The following DYRK1A variants were observed in gnomAD, a reference collection of about 807,000 sequenced individuals.
DYRK1A encodes the protein dual specificity tyrosine phosphorylation regulated kinase 1A.
DYRK1A carries 9 observed loss-of-function variants against 79.7 expected under a neutral mutation model. The observed-to-expected ratio is 0.11, with a 90% CI of 0.07 to 0.20. The LOEUF (loss-of-function observed/expected upper bound fraction) is 0.20, where lower values mean the gene tolerates loss of function less well. DYRK1A is among the 10% of genes least tolerant of loss of function. DYRK1A has a pLI of 1.00. For missense variants in DYRK1A, 622 were observed against 956.0 expected, an observed-to-expected ratio of 0.65 and a Z score of 4.61; for synonymous variants, 349 against 329.7, an observed-to-expected ratio of 1.06 and a Z score of -0.63.
At position 37,454,085 on chromosome 21, in the gene DYRK1A, C is replaced by CTTTT. The variant is rs571859735; in HGVS notation, c.11-18577_11-18574dup. ...CTTTCATATTATGAGATGTAGTCTCCTTTTTTTTTTTTTTTTTTTTTTTTT... is the reference window on the plus strand; with the variant it reads ...CTTTCATATTATGAGATGTAGTCTCCTTTTTTTTTTTTTTTTTTTTTTTTTTTTT... On this transcript the variant is annotated intron_variant, in intron 2 of 11. Transcript: ENST00000647188. 7.2e-3 allele frequency among the ~76,000 whole-genome samples: 428 copies of CTTTT among 59,606 alleles called. 65 individuals are homozygous for CTTTT. The highest frequency in any genetic ancestry group is 0.024 in the African/African-American group (363 of 14,954). The allele number at this position is 59,606 out of a possible 152,430, so 39.1% of individuals were successfully genotyped here.
chr21:37,403,457 A>G (rs1403100827), intron 1 of DYRK1A, among the ~76,000 whole-genome samples: 5 of 151,846 alleles, frequency 3.3e-5, no homozygotes, highest in Non-Finnish European at 7.4e-5. Flanking sequence ...TTGTATTAAA[A>G]AACAACAACA....
intron 9 of DYRK1A, chr21:37,501,775 A>G (rs2053458796): frequency 6.6e-6 from 1 of 151,940 alleles, no homozygotes; most frequent in Non-Finnish European, 1.5e-5. Flanking sequence ...ATTGTTTGAT[A>G]TTTTTCTTCA....
chr21:37,429,407 G>A lies in DYRK1A; in HGVS notation c.10+9023G>A, dbSNP rs905244017. ...AAGAAAAGAGTTTTAATTGGTACAC[G>A]GTTCCACAGGTTATACATGAAGCAT... On this transcript the variant is annotated intron_variant, in intron 2 of 11. Transcript: ENST00000647188. Among the ~76,000 whole-genome samples the A allele has an allele frequency of 3.3e-5, 5 of 152,224 alleles. No homozygotes were observed. The South Asian group carries it at 1.0e-3, about 32-fold the overall frequency.
At chr21:37,398,801 A>G (rs574931487) in intron 1 of DYRK1A, among the ~76,000 whole-genome samples, 95 of 152,298 alleles carry the variant, frequency 6.2e-4, no homozygotes, top group Non-Finnish European at 1.2e-3. Flanking sequence ...CCCTACAACC[A>G]TAACAGGACA....
intron 2 of DYRK1A, among the ~76,000 whole-genome samples, chr21:37,457,003 A>G (rs2051659186): frequency 6.6e-6 from 1 of 150,462 alleles, no homozygotes; most frequent in Non-Finnish European, 1.5e-5. Context: ...CTTGAGAGGT[A>G]AAAAGAAAAT....
rs966646801 is a variant in DYRK1A at position 37,517,445 on chromosome 21, T to G, written c.*4914T>G. The G allele has an allele frequency of 6.6e-6, 1 of 152,236 alleles. No homozygotes were observed. The highest frequency in any genetic ancestry group is 2.1e-4 in the South Asian group (1 of 4,830). The allele number at this position is 152,236 out of a possible 1,614,324, so 9.4% of individuals were successfully genotyped here. ...AATCTTCCCGATTAAATTTCTAAAA[T>G]TGCTACTTTGGGAATTTTTTTCTTT... On this transcript the variant is annotated 3_prime_UTR_variant, in exon 12 of 12. Transcript: ENST00000647188.
At chr21:37,499,475 C>T (rs2053374896) in intron 9 of DYRK1A, among the ~76,000 whole-genome samples, 2 of 152,104 alleles carry the variant, frequency 1.3e-5, no homozygotes. Flanking sequence ...ATGGTGCTAG[C>T]ATTTTGATTT....
intron 2 of DYRK1A, among the ~76,000 whole-genome samples, chr21:37,441,901 C>A (rs76829611): frequency 6.7e-6 from 1 of 149,538 alleles, no homozygotes; most frequent in African/African-American, 2.4e-5. Context: ...TTTTGTAGTG[C>A]GTATTTACTA....
At chr21:37,433,619 A>T (rs1278338565) in intron 2 of DYRK1A, among the ~76,000 whole-genome samples, 1 of 152,216 alleles carries the variant, frequency 6.6e-6, no homozygotes, top group Non-Finnish European at 1.5e-5. Flanking sequence ...TAAAGGGCTG[A>T]GATTGAGTCT....
Position 37,518,604 on chromosome 21 carries a change from G to A in DYRK1A, c.*6073G>A, listed in dbSNP as rs187298187. ...CGTGTGGCTAATATGACGGAAGTCT[G>A]AATCCAAGGACTTTTTTTTTTTTTT... is the stretch of plus-strand genomic sequence containing the variant. On this transcript the variant is annotated 3_prime_UTR_variant, in exon 12 of 12. Coordinates refer to ENST00000647188, the MANE Select transcript of DYRK1A (RefSeq NM_001347721.2). 8 of 149,870 alleles carry A rather than the reference G, an allele frequency of 5.3e-5. No individual in the cohort carries two copies. In the East Asian group the frequency reaches 1.6e-3, roughly 29 times the overall value. The allele number at this position is 149,870 out of a possible 1,614,324, so 9.3% of individuals were successfully genotyped here.
Position 37,464,452 on chromosome 21 carries a change from G to A in DYRK1A, c.11-8232G>A, listed in dbSNP as rs549081290. Among the ~76,000 whole-genome samples, 31 of 152,244 alleles carry A rather than the reference G, an allele frequency of 2.0e-4. No homozygotes were observed. The South Asian group carries it at 5.8e-3, about 29-fold the overall frequency. On this transcript the variant is annotated intron_variant, in intron 2 of 11. Coordinates refer to ENST00000647188, the MANE Select transcript of DYRK1A (RefSeq NM_001347721.2). ...TAAAAATGATCCATACAGTTCAGAA[G>A]CACGTAAAGACAGAACTCCACATGC...
chr21:37,398,867 CT>C (rs1449484269), intron 1 of DYRK1A, among the ~76,000 whole-genome samples: 2 of 151,196 alleles, frequency 1.3e-5, no homozygotes, highest in East Asian at 3.9e-4. Context: ...TGAGGTGATC[CT>C]TTTGTAAAAA....
intron 1 of DYRK1A, among the ~76,000 whole-genome samples, chr21:37,403,382 A>C (rs1168707996): frequency 6.6e-6 from 1 of 151,958 alleles, no homozygotes; most frequent in South Asian, 2.1e-4. Context: ...TTGGTGTTTT[A>C]CTGACTCCTT....
intron 1 of DYRK1A, among the ~76,000 whole-genome samples, chr21:37,383,677 A>G (rs565903041): frequency 7.2e-5 from 11 of 152,222 alleles, no homozygotes; most frequent in Admixed American, 1.3e-4. Flanking sequence ...TTTAGGTGTT[A>G]AGGATACAGG....
intron 2 of DYRK1A, chr21:37,425,630 T>C (rs2050597341): frequency 1.3e-5 from 2 of 152,232 alleles, no homozygotes; most frequent in Admixed American, 1.3e-4. Flanking sequence ...TGAAAGAATG[T>C]CTAAGTTCTA....
At chr21:37,386,042 A>G (rs1259607370) in intron 1 of DYRK1A, among the ~76,000 whole-genome samples, 3 of 152,164 alleles carry the variant, frequency 2.0e-5, no homozygotes, top group Admixed American at 2.0e-4. Context: ...CTAGCCAGTA[A>G]GGTACTGTTT....
At chr21:37,422,705 TGTG>T (rs1221613641) in intron 2 of DYRK1A, among the ~76,000 whole-genome samples, 2 of 152,160 alleles carry the variant, frequency 1.3e-5, no homozygotes, top group Non-Finnish European at 2.9e-5. Flanking sequence ...TTGGCTTGAT[TGTG>T]GTGATCATTT....
At chr21:37,388,566 AT>A (rs948841113) in intron 1 of DYRK1A, among the ~76,000 whole-genome samples, 5 of 151,886 alleles carry the variant, frequency 3.3e-5, no homozygotes, top group Admixed American at 6.6e-5. Context: ...CCTCATCAAT[AT>A]TTTTTTTAAC....
intron 7 of DYRK1A, among the ~76,000 whole-genome samples, chr21:37,490,915 G>A (rs1256512185): frequency 6.6e-6 from 1 of 151,914 alleles, no homozygotes; most frequent in Non-Finnish European, 1.5e-5. Flanking sequence ...TAAATTTTGG[G>A]ACTTTCCAGT....
Sources: gnomAD v4.1 joint callset for allele counts (sites outside exome capture counted in the v4.1 genomes callset) on GRCh38, gnomAD v4.1.1 for gene constraint, MANE v1.5 for transcripts, NCBI Gene and HGNC (gene_info 2026-07-23, HGNC 2026-07-21) for gene names.